The following GPM6B variants were observed in gnomAD, a reference collection of about 807,000 sequenced individuals.
The protein encoded by GPM6B is neuronal membrane glycoprotein M6-b.
Under a neutral mutation model 27.2 loss-of-function variants are expected in GPM6B, and 4 were observed. The ratio of observed to expected loss-of-function variants is 0.15; its 90% CI spans 0.07 to 0.34. GPM6B has a LOEUF of 0.34. Among genes scored for constraint, GPM6B ranks in the 10% least tolerant of loss-of-function variants. GPM6B has a pLI of 1.00. For synonymous variants in GPM6B, 124 were observed against 103.1 expected, an observed-to-expected ratio of 1.20 and a Z score of -1.23; for missense variants, 183 against 261.9, an observed-to-expected ratio of 0.70 and a Z score of 2.08.
chrX:13,888,536 G>C (rs183972826), intron 1 of GPM6B, among the ~76,000 whole-genome samples: 1 of 111,590 alleles, frequency 9.0e-6, no homozygotes, highest in Non-Finnish European at 1.9e-5. Flanking sequence ...GGCTCTCGGC[G>C]AGGGCAAACA....
chrX:13,838,243 T>C (rs761825799), intron 1 of GPM6B, among the ~76,000 whole-genome samples: 37 of 112,000 alleles, frequency 3.3e-4, no homozygotes, highest in Non-Finnish European at 6.4e-4. Flanking sequence ...ACCTTTGATG[T>C]TGCTAAAGAT....
chrX:13,875,853 T>C (rs2050028008), intron 1 of GPM6B, among the ~76,000 whole-genome samples: 2 of 111,749 alleles, frequency 1.8e-5, no homozygotes, highest in South Asian at 7.6e-4. Flanking sequence ...AGATTAGTGG[T>C]TGCCAGAGGT....
chrX:13,872,190 T>A (rs934638635), intron 1 of GPM6B, among the ~76,000 whole-genome samples: 4 of 43,998 alleles, frequency 9.1e-5, no homozygotes, highest in East Asian at 1.4e-3. Context: ...TTTTTTTTTT[T>A]AGACAGGGTC....
At chrX:13,874,228 C>G (rs898715123) in intron 1 of GPM6B, among the ~76,000 whole-genome samples, 13 of 111,987 alleles carry the variant, frequency 1.2e-4, no homozygotes, top group Non-Finnish European at 2.4e-4. Context: ...AAAGCCTACA[C>G]TTTTCTAGGG....
chrX:13,930,402 C>G (rs776841889), intron 1 of GPM6B, among the ~76,000 whole-genome samples: 5 of 110,520 alleles, frequency 4.5e-5, no homozygotes, highest in South Asian at 3.9e-4. Flanking sequence ...ATCACGAGGT[C>G]AGGAGATCGA....
At chrX:13,787,088 T>C (rs770155217) in intron 2 of GPM6B, among the ~76,000 whole-genome samples, 1 of 92,881 alleles carries the variant, frequency 1.1e-5, no homozygotes, top group Non-Finnish European at 2.1e-5. Flanking sequence ...ATGGTCTTCA[T>C]AGTTGTCATG....
intron 4 of GPM6B, 54 bp from the exon 5 acceptor site, chrX:13,780,043 C>T: frequency 9.8e-7 from 1 of 1,019,562 alleles, no homozygotes; most frequent in Non-Finnish European, 1.3e-6. Context: ...AGATGTGTGT[C>T]CCCTAAGTGG....
intron 1 of GPM6B, among the ~76,000 whole-genome samples, chrX:13,841,570 C>T (rs887557970): frequency 1.8e-5 from 2 of 111,196 alleles, no homozygotes; most frequent in Admixed American, 9.5e-5. Context: ...TGTGTGGGGG[C>T]GGTGGTGGGA....
intron 2 of GPM6B, among the ~76,000 whole-genome samples, chrX:13,788,083 T>C (rs192608297): frequency 8.9e-5 from 10 of 112,275 alleles, no homozygotes; most frequent in African/African-American, 1.3e-4. Context: ...GGCTACCGTA[T>C]TGGACAACAC....
At chrX:13,792,628 G>A (rs921747643) in intron 2 of GPM6B, among the ~76,000 whole-genome samples, 10 of 111,886 alleles carry the variant, frequency 8.9e-5, no homozygotes, top group Non-Finnish European at 1.9e-4. Flanking sequence ...TGGGCCGGGC[G>A]GGGTGGCTCA....
chrX:13,865,850 A>G (rs1255163471), intron 1 of GPM6B, among the ~76,000 whole-genome samples: 1 of 110,123 alleles, frequency 9.1e-6, no homozygotes, highest in Admixed American at 9.8e-5. Flanking sequence ...ACAGACTACT[A>G]TTCAGCCATA....
chrX:13,888,177 A>G (rs905521234), intron 1 of GPM6B, among the ~76,000 whole-genome samples: 1 of 112,226 alleles, frequency 8.9e-6, no homozygotes, highest in African/African-American at 3.2e-5. Flanking sequence ...ATGGTTTGGG[A>G]ACATTTCTTT....
At position 13,877,851 on chromosome X, in the gene GPM6B, A is replaced by AAAAT. The variant is rs2050053862; in HGVS notation, c.-198+60475_-198+60476insATTT. 1.3e-4 allele frequency among the ~76,000 whole-genome samples: 14 copies of AAAAT among 105,497 alleles called. 1 individual carries two copies. Among genetic ancestry groups the AAAAT allele is most frequent in the African/African-American group, 3.5e-4 (10 of 28,537 alleles). The allele number at this position is 105,497 out of a possible 115,157, so 91.6% of individuals were successfully genotyped here. Reference sequence around the variant, plus strand: ...AAAAAAAAAAAAAAAAAAAAAAAAAATTCACCATATTTGCTTCGCCTTTTT... The same window carrying AAAAT: ...AAAAAAAAAAAAAAAAAAAAAAAAAAAAATTTCACCATATTTGCTTCGCCTTTTT... On this transcript the variant is annotated intron_variant, in intron 1 of 6. Transcript: ENST00000398361.
chrX:13,825,524 T>G (rs2049362442), intron 1 of GPM6B, among the ~76,000 whole-genome samples: 1 of 111,516 alleles, frequency 9.0e-6, no homozygotes, highest in Admixed American at 9.4e-5. Flanking sequence ...AGGAGGGAAT[T>G]TTAAGAAGGA....
At chrX:13,828,033 C>G (rs2049396550) in intron 1 of GPM6B, among the ~76,000 whole-genome samples, 1 of 111,337 alleles carries the variant, frequency 9.0e-6, no homozygotes, top group African/African-American at 3.3e-5. Flanking sequence ...CAGACCCCTT[C>G]AAATCCACCC....
chrX:13,776,347 G>C, intron 6 of GPM6B, 44 bp from the exon 7 acceptor site: 1 of 1,039,700 alleles, frequency 9.6e-7, no homozygotes, highest in African/African-American at 1.8e-5. Context: ...GATGTTAAAT[G>C]AAATGGCCTA....
intron 1 of GPM6B, among the ~76,000 whole-genome samples, chrX:13,844,575 C>T: frequency 8.9e-6 from 1 of 112,122 alleles, no homozygotes; most frequent in Non-Finnish European, 1.9e-5. Flanking sequence ...AATTATTATT[C>T]CACTGGATAC....
At chrX:13,808,371 G>C (rs2049062715) in intron 1 of GPM6B, among the ~76,000 whole-genome samples, 1 of 112,209 alleles carries the variant, frequency 8.9e-6, no homozygotes, top group Admixed American at 9.4e-5. Flanking sequence ...TATACAGAAA[G>C]GGCTACTGGT....
In GPM6B at chrX:13,780,265, C is replaced by T. The variant is rs150982377; in HGVS notation, c.526-276G>A. Among the ~76,000 whole-genome samples the T allele has an allele frequency of 7.7e-4, 86 of 111,265 alleles. No individual in the cohort carries two copies. In the East Asian group the frequency reaches 0.018, roughly 24 times the overall value. ...CTCTTAACTAACAAGGACAGGAGAC[C>T]CCAAGAGGTGATCTCACTCATCCAA... On this transcript the variant is annotated intron_variant, in intron 4 of 7. Coordinates refer to ENST00000316715, the MANE Select transcript of GPM6B (RefSeq NM_001001995.3).
Sources: gnomAD v4.1 joint callset for allele counts (sites outside exome capture counted in the v4.1 genomes callset) on GRCh38, gnomAD v4.1.1 for gene constraint, MANE v1.5 for transcripts, NCBI Gene and HGNC (gene_info 2026-07-23, HGNC 2026-07-21) for gene names.